KNL1: variants seen among roughly 807,000 people sequenced by gnomAD.
The protein encoded by KNL1 is outer kinetochore KNL1 complex subunit KNL1.
In KNL1, 66 loss-of-function variants were observed where a neutral mutation model predicts 201.3. That is an observed-to-expected ratio of 0.33 (90% CI 0.27 to 0.40). The LOEUF (loss-of-function observed/expected upper bound fraction) is 0.40. Among genes scored for constraint, KNL1 ranks in the 10% least tolerant of loss-of-function variants. The pLI is 1.00. For missense variants in KNL1, 2,815 were observed against 2,690.5 expected (o/e 1.05, Z -1.02); for synonymous variants, 895 against 899.2 (o/e 1.00, Z 0.08).
At chr15:40,630,245 A>G (rs2141733164) in intron 13 of KNL1, among the ~76,000 whole-genome samples, 1 of 152,342 alleles carries the variant, frequency 6.6e-6, no homozygotes, top group East Asian at 1.9e-4. Flanking sequence ...TATTCCTTAC[A>G]TAGGAATGTT....
Position 40,662,168 on chromosome 15 carries a change from G to T in KNL1, c.6931G>T (p.Asp2311Tyr), listed in dbSNP as rs2141773362. Residue 2311 changes from aspartate (D) to tyrosine (Y), a missense_variant, in exon 26 of 26, where the codon GAC becomes TAC. Transcript: ENST00000399668. ...GCAAATTTACCAAGATCTGTTTCAG[G>T]ACTGCCATTTCTACCACTAGACCCT... ...VKQIYQDLFQDCHFYH is the reference protein window; with the variant it reads ...VKQIYQDLFQYCHFYH 1 of 1,605,742 alleles carries T rather than the reference G, an allele frequency of 6.2e-7. No homozygotes were observed.
chr15:40,602,081 C>A (rs1188435078), intron 1 of KNL1, among the ~76,000 whole-genome samples: 1 of 150,100 alleles, frequency 6.7e-6, no homozygotes, highest in Admixed American at 6.6e-5. Flanking sequence ...CCAGGCCGGA[C>A]TGTGGTGGCG....
In KNL1 at chr15:40,659,478, C is replaced by G. The variant is rs753419774; in HGVS notation, c.6836+17C>G. 2 of 1,605,512 alleles carry G rather than the reference C, an allele frequency of 1.2e-6. No individual in the cohort carries two copies. The highest frequency in any genetic ancestry group is 1.7e-5 in the Admixed American group (1 of 58,510). ...GAACACTAGGTGAGTAAAGGGCCAA[C>G]AGGGTAAGACTCTGGGCTACTTCTT... On this transcript the variant is annotated intron_variant, in intron 25 of 25. Coordinates refer to ENST00000399668, the MANE Select transcript of KNL1 (RefSeq NM_144508.5).
chr15:40,606,763 A>T lies in KNL1; in HGVS notation c.135+311A>T, dbSNP rs559158588. On this transcript the variant is annotated intron_variant, in intron 4 of 25. Transcript: ENST00000399668. ...ACGGCACATGCCATCATACTTAGCT[A>T]TTTATTTATTTATTTAGAAACAGGG... 6.6e-5 allele frequency among the ~76,000 whole-genome samples: 10 copies of T among 151,736 alleles called. No individual in the cohort carries two copies. In the South Asian group the frequency reaches 2.1e-3, roughly 32 times the overall value.
At chr15:40,603,393 C>T (rs1484743241) in intron 2 of KNL1, among the ~76,000 whole-genome samples, 1 of 152,140 alleles carries the variant, frequency 6.6e-6, no homozygotes, top group Admixed American at 6.5e-5. Context: ...CAGCTTCATC[C>T]ATGTCCCTAC....
chr15:40,658,643 T>C (rs1477823227), intron 24 of KNL1, among the ~76,000 whole-genome samples: 2 of 146,300 alleles, frequency 1.4e-5, no homozygotes, highest in African/African-American at 2.5e-5. Flanking sequence ...GAAAATGAAA[T>C]TGGGCTGGGA....
rs763193387 is a variant in KNL1, at chr15:40,625,372, T to C, written c.5108T>C (p.Leu1703Pro). The change falls in exon 10 of 26, where the codon CTG becomes CCG. Residue 1703 changes from leucine (L) to proline (P), a missense_variant. Leu to Pro is a moderately conservative substitution (Grantham distance 98). This residue lies in a region of KNL1 where 2,464 missense variants were observed against 2,291.7 expected (regional missense o/e 1.08). Coordinates refer to ENST00000399668, the MANE Select transcript of KNL1 (RefSeq NM_144508.5). ...DSGIGSVAGK[L>P]NLSPSQYINE... ...GGCATTGGATCTGTTGCAGGTAAAC[T>C]GAACCTAAGTCCTTCTCAATATATA... 3 of 1,613,940 alleles carry C rather than the reference T, an allele frequency of 1.9e-6. No individual in the cohort carries two copies. Among genetic ancestry groups the C allele is most frequent in the Non-Finnish European group, 2.5e-6 (3 of 1,179,978 alleles).
At position 40,608,857 on chromosome 15, in the gene KNL1, C is replaced by G. The variant is rs1453850551; in HGVS notation, c.146C>G (p.Ala49Gly). Residue 49 changes from alanine to glycine, a missense_variant, in exon 5 of 26, where the codon GCT (alanine) becomes GGT (glycine). Ala to Gly is a moderately conservative substitution (Grantham distance 60). Transcript: ENST00000399668. ...ATTCTCTGCCCTTAGGAATCCAATG[C>G]TTTGAGAAATAAGAAAAACTCTCGT... ...GGNERVQESN[A>G]LRNKKNSRRV... The G allele has an allele frequency of 1.9e-6, 3 of 1,609,770 alleles. No homozygotes were observed. The highest frequency in any genetic ancestry group is 1.3e-5 in the African/African-American group (1 of 74,864).
At chr15:40,606,267 T>C (rs761224324) in intron 3 of KNL1, 126 bp from the exon 4 acceptor site, 18 of 615,500 alleles carry the variant, frequency 2.9e-5, no homozygotes, top group Non-Finnish European at 4.8e-5. Flanking sequence ...TTGAGCAGAA[T>C]GAATTTGAGG....
chr15:40,601,148 A>G (rs935700318), intron 1 of KNL1, among the ~76,000 whole-genome samples: 3 of 152,224 alleles, frequency 2.0e-5, no homozygotes, highest in African/African-American at 7.2e-5. Flanking sequence ...TCGGATCAGC[A>G]GTGGCATTTG....
chr15:40,629,762 A>G (rs1892860216), intron 13 of KNL1, among the ~76,000 whole-genome samples: 1 of 151,762 alleles, frequency 6.6e-6, no homozygotes, highest in Non-Finnish European at 1.5e-5. Context: ...CAGCCTCCCA[A>G]AGTGCTGGGT....
intron 6 of KNL1, 57 bp downstream of exon 6, chr15:40,610,354 C>T (rs1892113833): frequency 1.2e-5 from 10 of 858,830 alleles, no homozygotes; most frequent in South Asian, 2.8e-5. Flanking sequence ...TTTACTGTAG[C>T]TATCTAACCA....
At chr15:40,643,517 C>T (rs148628796) in intron 14 of KNL1, among the ~76,000 whole-genome samples, 2,945 of 152,164 alleles carry the variant, frequency 0.019, 101 homozygotes, top group African/African-American at 0.067. Context: ...TGGTGGCACG[C>T]GCCTGTAGTC....
chr15:40,599,192 C>T (rs1891707406), intron 1 of KNL1, among the ~76,000 whole-genome samples: 1 of 150,964 alleles, frequency 6.6e-6, no homozygotes, highest in Admixed American at 6.6e-5. Context: ...GTGGCGGGTG[C>T]CTATAGTCCC....
chr15:40,655,177 A>G (rs1406696775), intron 22 of KNL1, among the ~76,000 whole-genome samples, 200 bp downstream of exon 22: 1 of 152,050 alleles, frequency 6.6e-6, no homozygotes, highest in Non-Finnish European at 1.5e-5. Context: ...GCCCTCCTGT[A>G]GCCCTAGCTA....
chr15:40,652,044 A>G lies in KNL1; in HGVS notation c.6354A>G (p.Gln2118=), dbSNP rs779848008. The change falls in exon 21 of 26, where the codon CAA becomes CAG. Residue 2118 remains glutamine (Q), a synonymous_variant. Coordinates refer to ENST00000399668, the MANE Select transcript of KNL1 (RefSeq NM_144508.5). ...EWDVVEWSDD[Q]AVFTFVYDTI... The stretch of plus-strand genomic sequence containing the variant: ...ATGTCGTTGAGTGGAGTGATGATCA[A>G]GCTGTATTCACCTTTGTTTATGACA... The G allele has an allele frequency of 5.0e-6, 8 of 1,613,760 alleles. No homozygotes were observed. The Admixed American group carries it at 8.3e-5, about 17-fold the overall frequency.
At chr15:40,649,255 A>G (rs1260762902) in intron 17 of KNL1, among the ~76,000 whole-genome samples, 1 of 151,698 alleles carries the variant, frequency 6.6e-6, no homozygotes, top group Non-Finnish European at 1.5e-5. Flanking sequence ...TACTACTCCC[A>G]TACACCTCTT....
At position 40,622,426 on chromosome 15, in the gene KNL1, C is replaced by G. The variant is rs1242537735; in HGVS notation, c.2162C>G (p.Thr721Arg). 1 of 1,613,678 alleles carries G rather than the reference C, an allele frequency of 6.2e-7. No homozygotes were observed. Among genetic ancestry groups the G allele is most frequent in the Admixed American group, 1.7e-5 (1 of 59,988 alleles). Residue 721 changes from threonine to arginine, a missense_variant, in exon 10 of 26, where the codon ACA becomes AGA. By Grantham distance (71) the Thr-to-Arg change is moderately conservative (BLOSUM62 -1). Coordinates refer to ENST00000399668, the MANE Select transcript of KNL1 (RefSeq NM_144508.5). ...CATGATACTGCTATAAGTAGTCATA[C>G]AGTGAAATCTGTACTAGGCCAGAAT... ...KNHDTAISSH[T>R]VKSVLGQNSK... is the part of the protein sequence containing the mutation.
At chr15:40,630,630 A>G (rs1006348367) in intron 13 of KNL1, among the ~76,000 whole-genome samples, 4 of 152,126 alleles carry the variant, frequency 2.6e-5, no homozygotes, top group African/African-American at 9.7e-5. Context: ...CACGAACCCT[A>G]TTGTGAACTG....
Sources: gnomAD v4.1 joint callset for allele counts (sites outside exome capture counted in the v4.1 genomes callset) on GRCh38, gnomAD v4.1.1 for gene constraint, gnomAD v4.1.1 regional missense constraint, MANE v1.5 for transcripts, NCBI Gene and HGNC (gene_info 2026-07-23, HGNC 2026-07-21) for gene names.